The following NBAS variants were observed in gnomAD, a reference collection of about 807,000 sequenced individuals.
The protein encoded by NBAS is NAG/BC035112 fusion.
A neutral mutation model predicts 302.5 loss-of-function variants in NBAS; 219 were observed. The ratio of observed to expected loss-of-function variants is 0.72; its 90% CI spans 0.65 to 0.81. NBAS has a LOEUF of 0.81. NBAS is among the 30% of genes least tolerant of loss of function. NBAS has a pLI of 0.00. For synonymous variants in NBAS, 1,118 were observed against 1,021.6 expected (o/e 1.09, Z -1.80); for missense variants, 2,932 against 2,841.6 (o/e 1.03, Z -0.72).
the NBAS span, among the ~76,000 whole-genome samples, chr2:15,111,367 G>A: frequency 1.1e-4 from 17 of 152,238 alleles, no homozygotes; most frequent in African/African-American, 4.1e-4. Context: ...CATTGGGAGT[G>A]GGTGAGAACA....
chr2:14,838,894 T>C, the NBAS span, among the ~76,000 whole-genome samples: 2 of 152,102 alleles, frequency 1.3e-5, no homozygotes, highest in Non-Finnish European at 2.9e-5. Flanking sequence ...TAAATAACCA[T>C]GGTAAAGGTA....
intron 10 of NBAS, among the ~76,000 whole-genome samples, chr2:15,507,367 AGTCTAT>A (rs1661910568): frequency 6.6e-6 from 1 of 151,956 alleles, no homozygotes; most frequent in Non-Finnish European, 1.5e-5. Context: ...GATTTCAAAA[AGTCTAT>A]GTTCTTTCCA....
chr2:15,248,556 G>A (rs1483932737), intron 44 of NBAS, among the ~76,000 whole-genome samples: 2 of 152,112 alleles, frequency 1.3e-5, no homozygotes, highest in Non-Finnish European at 2.9e-5. Context: ...AAAATTGATA[G>A]ACCACTAGCC....
the NBAS span, among the ~76,000 whole-genome samples, chr2:15,103,917 TC>T: frequency 6.6e-5 from 10 of 152,210 alleles, 1 homozygote; most frequent in Admixed American, 6.6e-4. Context: ...ATCTTATTTT[TC>T]TTTCATGCTA....
chr2:15,551,422 A>T (rs1664379441), intron 6 of NBAS, 71 bp downstream of exon 6: 2 of 1,035,180 alleles, frequency 1.9e-6, no homozygotes, highest in South Asian at 3.1e-5. Flanking sequence ...ATCTATTCTA[A>T]CTTTTAAGAA....
the NBAS span, among the ~76,000 whole-genome samples, chr2:15,141,810 A>G: frequency 6.6e-6 from 1 of 152,214 alleles, no homozygotes; most frequent in African/African-American, 2.4e-5. Context: ...CCAATAAAAA[A>G]GGGGCAGGGG....
the NBAS span, among the ~76,000 whole-genome samples, chr2:15,146,297 C>T: frequency 6.6e-6 from 1 of 152,046 alleles, no homozygotes; most frequent in Admixed American, 6.5e-5. Context: ...ACCTAGTACG[C>T]ACTTAAAATG....
the NBAS span, among the ~76,000 whole-genome samples, chr2:14,956,460 AC>A: frequency 6.6e-6 from 1 of 150,924 alleles, no homozygotes; most frequent in Non-Finnish European, 1.5e-5. Flanking sequence ...TCCTTATAGA[AC>A]CCCACGCTCT....
intron 49 of NBAS, among the ~76,000 whole-genome samples, chr2:15,189,312 A>G (rs1197245681): frequency 6.6e-6 from 1 of 152,216 alleles, no homozygotes; most frequent in Non-Finnish European, 1.5e-5. Context: ...TGCTTTGGAA[A>G]TTACTAACAG....
chr2:15,558,546 A>G, intron 2 of NBAS, 34 bp downstream of exon 2: 1 of 1,568,992 alleles, frequency 6.4e-7, no homozygotes, highest in Non-Finnish European at 8.8e-7. Flanking sequence ...ACTGTTAACC[A>G]TATCATTACT....
chr2:14,961,270 C>T, the NBAS span, among the ~76,000 whole-genome samples: 1 of 152,262 alleles, frequency 6.6e-6, no homozygotes, highest in South Asian at 2.1e-4. Context: ...GAACATTTGT[C>T]TACTCCAACT....
At chr2:15,025,684 TGA>T in the NBAS span, among the ~76,000 whole-genome samples, 1 of 152,134 alleles carries the variant, frequency 6.6e-6, no homozygotes, top group Non-Finnish European at 1.5e-5. Context: ...TTCACCTCCC[TGA>T]TTATCTGTAT....
chr2:15,383,240 C>T lies in NBAS; in HGVS notation c.3335G>A (p.Cys1112Tyr), dbSNP rs145258312. The part of the protein sequence containing the change: ...MLTMQQNVYT[C>Y]LDSDACYEIF... ...CTCATAGCAGGCATCAGAATCTAGA[C>T]ATGTGTATACATTCTGCTGCATAGT... is the stretch of plus-strand genomic sequence containing the variant. The change falls in exon 29 of 52, where the codon TGT becomes TAT. Residue 1112 changes from cysteine (C) to tyrosine (Y), a missense_variant. Coordinates refer to ENST00000281513, the MANE Select transcript of NBAS (RefSeq NM_015909.4). 1.2e-5 allele frequency: 20 copies of T among 1,613,882 alleles called. No homozygotes were observed. The African/African-American group carries it at 2.5e-4, about 20-fold the overall frequency.
the NBAS span, among the ~76,000 whole-genome samples, chr2:15,156,218 T>C: frequency 1.3e-5 from 2 of 152,146 alleles, no homozygotes; most frequent in Non-Finnish European, 2.9e-5. Flanking sequence ...CAGCCAGGAA[T>C]AGTAGCTCTG....
At chr2:14,990,199 G>A in the NBAS span, among the ~76,000 whole-genome samples, 8 of 151,054 alleles carry the variant, frequency 5.3e-5, no homozygotes, top group African/African-American at 1.9e-4. Flanking sequence ...GAACACCTGA[G>A]GTCAGGAGTT....
At chr2:15,220,008 G>T (rs1292405999) in intron 47 of NBAS, among the ~76,000 whole-genome samples, 1 of 146,876 alleles carries the variant, frequency 6.8e-6, no homozygotes. Flanking sequence ...CCTCCCGGAC[G>T]GGGCGGCTGG....
At chr2:15,490,842 G>A (rs1680825074) in intron 11 of NBAS, among the ~76,000 whole-genome samples, 1 of 152,102 alleles carries the variant, frequency 6.6e-6, no homozygotes, top group Admixed American at 6.5e-5. Flanking sequence ...AGAAATTATG[G>A]TCAAGTATAA....
chr2:14,789,347 C>T, the NBAS span, among the ~76,000 whole-genome samples: 7 of 152,160 alleles, frequency 4.6e-5, no homozygotes, highest in South Asian at 2.1e-4. Context: ...CACTGTCCTG[C>T]GCCCACTGTC....
intron 28 of NBAS, among the ~76,000 whole-genome samples, chr2:15,384,847 T>G (rs1319042351): frequency 6.6e-6 from 1 of 152,224 alleles, no homozygotes; most frequent in Non-Finnish European, 1.5e-5. Flanking sequence ...TTCATGCATC[T>G]TTTTATTTTT....
Sources: gnomAD v4.1 joint callset for allele counts (sites outside exome capture counted in the v4.1 genomes callset) on GRCh38, gnomAD v4.1.1 for gene constraint, MANE v1.5 for transcripts, NCBI Gene and HGNC (gene_info 2026-07-23, HGNC 2026-07-21) for gene names.